Variants in TCF7L1 observed in about 807,000 individuals in gnomAD.
The protein encoded by TCF7L1 is transcription factor 7 like 1, also known as transcription factor 7-like 1.
Under a neutral mutation model 63.7 loss-of-function variants are expected in TCF7L1, and 18 were observed. The ratio of observed to expected loss-of-function variants is 0.28; its 90% CI spans 0.20 to 0.42. TCF7L1 has a LOEUF of 0.42. TCF7L1 is among the 10% of genes least tolerant of loss of function. The probability of loss-of-function intolerance (pLI) is 1.00; values close to 1 mark genes in which losing one functional copy is unlikely to be tolerated. For synonymous variants in TCF7L1, 355 were observed against 340.9 expected, an observed-to-expected ratio of 1.04 and a Z score of -0.46; for missense variants, 654 against 779.3, an observed-to-expected ratio of 0.84 and a Z score of 1.91.
chr2:85,159,990 G>A (rs1282829630), intron 3 of TCF7L1, among the ~76,000 whole-genome samples: 3 of 152,182 alleles, frequency 2.0e-5, no homozygotes, highest in African/African-American at 7.2e-5. Context: ...CACATGGTGG[G>A]GGAGTTCACG....
chr2:85,227,992 C>CAA (rs34769307), intron 3 of TCF7L1, among the ~76,000 whole-genome samples: 1,211 of 78,938 alleles, frequency 0.015, 8 homozygotes, highest in East Asian at 0.031. Context: ...ACCCTGTCTC[C>CAA]AAAAAAAAAA....
At chr2:85,177,578 G>T (rs1425189033) in intron 3 of TCF7L1, among the ~76,000 whole-genome samples, 1 of 152,120 alleles carries the variant, frequency 6.6e-6, no homozygotes, top group Non-Finnish European at 1.5e-5. Context: ...GGTGGCGCAT[G>T]CCTGTAGTCC....
intron 3 of TCF7L1, among the ~76,000 whole-genome samples, chr2:85,276,869 G>A (rs560792430): frequency 2.0e-5 from 3 of 152,284 alleles, no homozygotes; most frequent in Non-Finnish European, 4.4e-5. Context: ...TGGAAACACC[G>A]TGTACCGCTT....
rs149827410 is a variant in TCF7L1, at chr2:85,259,151, G to A, written c.442-24344G>A. 1.6e-3 allele frequency among the ~76,000 whole-genome samples: 251 copies of A among 152,296 alleles called. 1 individual carries two copies. Among genetic ancestry groups the A allele is most frequent in the African/African-American group, 5.8e-3 (241 of 41,566 alleles). On this transcript the variant is annotated intron_variant, in intron 3 of 11. Coordinates refer to ENST00000282111, the MANE Select transcript of TCF7L1 (RefSeq NM_031283.3). ...CCACAGCACCACACACAGTGGCTGC[G>A]CATGGTGGATGCACAGTGAGTATTT...
intron 3 of TCF7L1, among the ~76,000 whole-genome samples, chr2:85,251,945 C>T (rs1247568325): frequency 1.3e-5 from 2 of 152,142 alleles, no homozygotes; most frequent in East Asian, 1.9e-4. Context: ...CGTGGTGGCA[C>T]GTACCTGTAA....
At chr2:85,264,219 A>G (rs1042118483) in intron 3 of TCF7L1, among the ~76,000 whole-genome samples, 9 of 152,336 alleles carry the variant, frequency 5.9e-5, no homozygotes, top group Middle Eastern at 3.4e-3. Context: ...CATTTGAACC[A>G]TGACTTGGAG....
At chr2:85,276,472 C>CT (rs1681272544) in intron 3 of TCF7L1, among the ~76,000 whole-genome samples, 1 of 152,162 alleles carries the variant, frequency 6.6e-6, no homozygotes, top group Non-Finnish European at 1.5e-5. Context: ...CTCTTAGAAG[C>CT]TCTATGTAAC....
intron 3 of TCF7L1, among the ~76,000 whole-genome samples, chr2:85,259,321 A>G (rs1448695824): frequency 6.6e-6 from 1 of 152,236 alleles, no homozygotes; most frequent in African/African-American, 2.4e-5. Flanking sequence ...GCCACCCTTT[A>G]AAAAGCCCGA....
At chr2:85,142,551 GAT>G (rs1677770631) in intron 3 of TCF7L1, among the ~76,000 whole-genome samples, 1 of 151,778 alleles carries the variant, frequency 6.6e-6, no homozygotes, top group African/African-American at 2.4e-5. Context: ...CAGATATTGA[GAT>G]ATTGAAGTGA....
chr2:85,134,048 T>C lies in TCF7L1; in HGVS notation c.282T>C (p.Thr94=), dbSNP rs1677529470. The C allele has an allele frequency of 1.9e-6, 3 of 1,610,830 alleles. No homozygotes were observed. Among genetic ancestry groups the C allele is most frequent in the Non-Finnish European group, 2.5e-6 (3 of 1,179,168 alleles). ...GGCGCCCGCAGCCCGTCCGGGACAC[T>C]TTCCAGAAGCCGCGGGACTATTTCG... The part of the protein sequence containing the change: ...AERRPQPVRD[T]FQKPRDYFAE... Residue 94 remains threonine (T), a synonymous_variant, in exon 2 of 12, where the codon ACT becomes ACC. Coordinates refer to ENST00000282111, the MANE Select transcript of TCF7L1 (RefSeq NM_031283.3). This position sits in a 1 kb window ranked among gnomAD's most constrained non-coding sequence, Gnocchi z 5.0.
At chr2:85,225,615 G>C (rs1414748748) in intron 3 of TCF7L1, among the ~76,000 whole-genome samples, 3 of 152,054 alleles carry the variant, frequency 2.0e-5, no homozygotes, top group African/African-American at 7.3e-5. Flanking sequence ...TGTGATTTTT[G>C]CACATTGATT....
chr2:85,173,038 C>T lies in TCF7L1; in HGVS notation c.441+38588C>T, dbSNP rs115421849. Among the ~76,000 whole-genome samples, 546 of 152,348 alleles carry T rather than the reference C, an allele frequency of 3.6e-3. 1 individual carries two copies. The highest frequency in any genetic ancestry group is 0.012 in the African/African-American group (513 of 41,582). ...TGCCCAAGAAACGTTTCTAAAAGAA[C>T]GAATAAATGAGTGGCAGCAGTATTT... On this transcript the variant is annotated intron_variant, in intron 3 of 11. Coordinates refer to ENST00000282111, the MANE Select transcript of TCF7L1 (RefSeq NM_031283.3).
intron 4 of TCF7L1, among the ~76,000 whole-genome samples, chr2:85,294,258 G>A (rs1234401133): frequency 4.6e-5 from 7 of 151,766 alleles, no homozygotes; most frequent in African/African-American, 7.3e-5. Flanking sequence ...GGACAGTCTC[G>A]ATCTCCTGAC....
intron 3 of TCF7L1, among the ~76,000 whole-genome samples, chr2:85,271,262 G>T (rs559110526): frequency 6.6e-6 from 1 of 152,000 alleles, no homozygotes; most frequent in Non-Finnish European, 1.5e-5. Flanking sequence ...ACAGGCACCC[G>T]CCACCACACC....
chr2:85,229,219 A>T (rs1243334478), intron 3 of TCF7L1, among the ~76,000 whole-genome samples: 1 of 150,596 alleles, frequency 6.6e-6, no homozygotes, highest in African/African-American at 2.5e-5. Flanking sequence ...GTTGGCACAC[A>T]CCTGTAGTCC....
chr2:85,181,361 C>T lies in TCF7L1; in HGVS notation c.441+46911C>T, dbSNP rs7594720. ...CTTCAAAACAGCCCCTGGGAAAGGC[C>T]CTGCTTTGGAGGGTAGAAGGACATA... On this transcript the variant is annotated intron_variant, in intron 3 of 11. Coordinates refer to ENST00000282111, the MANE Select transcript of TCF7L1 (RefSeq NM_031283.3). 5.6e-3 allele frequency among the ~76,000 whole-genome samples: 857 copies of T among 152,270 alleles called. 6 individuals carry two copies. Among genetic ancestry groups the T allele is most frequent in the African/African-American group, 0.019 (805 of 41,554 alleles).
intron 3 of TCF7L1, among the ~76,000 whole-genome samples, chr2:85,277,175 A>G (rs1681292929): frequency 6.6e-6 from 1 of 151,116 alleles, no homozygotes; most frequent in Non-Finnish European, 1.5e-5. Flanking sequence ...TGTTCTGAGC[A>G]GGGGAGAGAT....
At chr2:85,202,618 A>G (rs1235285057) in intron 3 of TCF7L1, among the ~76,000 whole-genome samples, 1 of 152,204 alleles carries the variant, frequency 6.6e-6, no homozygotes, top group South Asian at 2.1e-4. Context: ...TAATTTTTAC[A>G]TACAGTGTTA....
chr2:85,151,327 C>T (rs1186813136), intron 3 of TCF7L1, among the ~76,000 whole-genome samples: 4 of 152,166 alleles, frequency 2.6e-5, no homozygotes, highest in African/African-American at 9.7e-5. Context: ...TAACATGTTG[C>T]TCTATCCACT....
Sources: allele counts gnomAD v4.1 joint callset (sites outside exome capture counted in the v4.1 genomes callset), GRCh38; gene constraint gnomAD v4.1.1; non-coding constraint Gnocchi (gnomAD v3.1); transcripts MANE v1.5; gene names NCBI Gene and HGNC (gene_info 2026-07-23, HGNC 2026-07-21).